The following COL19A1 variants were observed in gnomAD, a reference collection of about 807,000 sequenced individuals.
The protein encoded by COL19A1 is collagen type XIX alpha 1 chain, also known as collagen alpha-1(XIX) chain.
In COL19A1, 159 loss-of-function variants were observed where a neutral mutation model predicts 190.2. The observed-to-expected ratio is 0.84, with a 90% CI of 0.73 to 0.95. The LOEUF (loss-of-function observed/expected upper bound fraction) is 0.95. Among genes scored for constraint, COL19A1 ranks in the 40% least tolerant of loss-of-function variants. The pLI is 0.00. For synonymous variants in COL19A1, 509 were observed against 458.9 expected, an observed-to-expected ratio of 1.11 and a Z score of -1.39; for missense variants, 1,418 against 1,431.9, an observed-to-expected ratio of 0.99 and a Z score of 0.16.
intron 11 of COL19A1, among the ~76,000 whole-genome samples, chr6:69,970,935 T>C (rs117656393): frequency 0.017 from 2,550 of 152,280 alleles, 42 homozygotes; most frequent in Non-Finnish European, 0.025. Context: ...CTTTCAATTA[T>C]CCATGGTAGC....
At chr6:69,966,196 G>A (rs1401655834) in intron 11 of COL19A1, among the ~76,000 whole-genome samples, 2 of 151,928 alleles carry the variant, frequency 1.3e-5, no homozygotes, top group African/African-American at 2.4e-5. Flanking sequence ...GGGAGGTGGG[G>A]GGCACCTCTG....
At chr6:69,967,195 T>G (rs543156738) in intron 11 of COL19A1, among the ~76,000 whole-genome samples, 4 of 152,286 alleles carry the variant, frequency 2.6e-5, no homozygotes, top group African/African-American at 9.6e-5. Flanking sequence ...GTAGTCGACT[T>G]GGTTCACTGA....
At chr6:70,169,064 T>A (rs1335776863) in intron 40 of COL19A1, among the ~76,000 whole-genome samples, 1 of 79,446 alleles carries the variant, frequency 1.3e-5, no homozygotes, top group African/African-American at 7.6e-5. Flanking sequence ...ATATCTGCCA[T>A]CTCCCCAACA....
At chr6:69,950,130 TG>T (rs1025276531) in intron 9 of COL19A1, among the ~76,000 whole-genome samples, 1 of 151,888 alleles carries the variant, frequency 6.6e-6, no homozygotes, top group Non-Finnish European at 1.5e-5. Context: ...ACCTACACTT[TG>T]AAATTTAGCT....
intron 15 of COL19A1, among the ~76,000 whole-genome samples, chr6:70,071,744 T>C (rs954821939): frequency 1.3e-4 from 19 of 151,828 alleles, no homozygotes; most frequent in African/African-American, 3.9e-4. Flanking sequence ...CAGAATGGCA[T>C]TGGGGGTTGG....
rs1385678662 is a variant in COL19A1 at position 70,103,700 on chromosome 6, T to C, written c.1278+1478T>C. ...TGACTCAGCTCAAACATTTCTCCTA[T>C]AGAAGCTTTGCCAGTGCTCTCAGCA... On this transcript the variant is annotated intron_variant, in intron 16 of 50. Coordinates refer to ENST00000620364, the MANE Select transcript of COL19A1 (RefSeq NM_001858.6). Among the ~76,000 whole-genome samples, 3 of 152,174 alleles carry C rather than the reference T, an allele frequency of 2.0e-5. No homozygotes were observed. In the East Asian group the frequency reaches 5.8e-4, roughly 29 times the overall value.
intron 16 of COL19A1, among the ~76,000 whole-genome samples, chr6:70,111,900 T>C (rs1245182922): frequency 6.6e-6 from 1 of 152,182 alleles, no homozygotes; most frequent in African/African-American, 2.4e-5. Context: ...CTATTCAAAT[T>C]GTGCACATGC....
chr6:69,965,769 T>C (rs560390629), intron 11 of COL19A1, among the ~76,000 whole-genome samples: 66 of 152,286 alleles, frequency 4.3e-4, no homozygotes, highest in African/African-American at 1.5e-3. Flanking sequence ...CATGTAGACC[T>C]ATAGGAATGA....
Position 69,947,978 on chromosome 6 carries a change from C to T in COL19A1, c.936+9878C>T, listed in dbSNP as rs139374656. On this transcript the variant is annotated intron_variant, in intron 9 of 50. Transcript: ENST00000620364. ...TTACTGATGACATTAATTGACGATT[C>T]TTCATCATAAATAAAAGCTTCTTTA... 2.0e-4 allele frequency among the ~76,000 whole-genome samples: 31 copies of T among 151,908 alleles called. No individual in the cohort carries two copies. In the East Asian group the frequency reaches 2.1e-3, roughly 10 times the overall value.
intron 17 of COL19A1, among the ~76,000 whole-genome samples, chr6:70,128,249 G>T (rs116127855): frequency 1.0e-3 from 158 of 152,250 alleles, no homozygotes; most frequent in African/African-American, 3.8e-3. Context: ...TTAGATATAT[G>T]GGTCTAAAAC....
chr6:70,116,997 C>T (rs1344930224), intron 16 of COL19A1, among the ~76,000 whole-genome samples: 1 of 152,052 alleles, frequency 6.6e-6, no homozygotes, highest in Non-Finnish European at 1.5e-5. Flanking sequence ...CTGGATGGCT[C>T]AAGGAGACTC....
intron 16 of COL19A1, 65 bp downstream of exon 16, chr6:70,102,287 A>G (rs1353357240): frequency 2.0e-5 from 24 of 1,224,272 alleles, no homozygotes; most frequent in Admixed American, 1.7e-4. Context: ...TGTTTACCTA[A>G]GGATTATTTT....
At chr6:69,898,408 G>A (rs527287929) in intron 2 of COL19A1, among the ~76,000 whole-genome samples, 2 of 152,256 alleles carry the variant, frequency 1.3e-5, no homozygotes, top group South Asian at 4.1e-4. Flanking sequence ...ACTAAGTGCT[G>A]TAGCACATAA....
Position 70,180,465 on chromosome 6 carries a change from A to AGAGAG in COL19A1, c.2720_2724dup (p.Pro909GlufsTer7), listed in dbSNP as rs1482877346. ...TGTCTGTGGATGTGTTTATAGGGTG[A>AGAGAG]GAGAGGACCTGTTGGAGATATAGGT... is the stretch of plus-strand genomic sequence containing the variant. On this transcript the variant is annotated frameshift_variant, in exon 44 of 51. Coordinates refer to ENST00000620364, the MANE Select transcript of COL19A1 (RefSeq NM_001858.6). LOFTEE classifies it high-confidence loss of function. The AGAGAG allele has an allele frequency of 2.5e-6, 4 of 1,614,150 alleles. No homozygotes were observed.
chr6:70,123,972 T>TA (rs200471705), intron 17 of COL19A1, among the ~76,000 whole-genome samples: 2,474 of 143,832 alleles, frequency 0.017, 99 homozygotes, highest in East Asian at 0.16. Context: ...ATAATAAATT[T>TA]AAAAAAAAAA....
At chr6:69,905,042 G>T (rs917644740) in intron 4 of COL19A1, among the ~76,000 whole-genome samples, 1 of 151,972 alleles carries the variant, frequency 6.6e-6, no homozygotes, top group Admixed American at 6.6e-5. Flanking sequence ...TTTCCATTGG[G>T]GCCCATCCAA....
At chr6:70,136,219 T>C (rs1785860207) in intron 18 of COL19A1, among the ~76,000 whole-genome samples, 1 of 152,206 alleles carries the variant, frequency 6.6e-6, no homozygotes, top group Admixed American at 6.5e-5. Context: ...AGGATATACA[T>C]ATAAAAATAA....
At chr6:70,024,174 A>T (rs77811482) in intron 12 of COL19A1, among the ~76,000 whole-genome samples, 15,115 of 152,148 alleles carry the variant, frequency 0.099, 809 homozygotes, top group East Asian at 0.21. Context: ...GTGATATCCT[A>T]GGACCCCAGT....
intron 9 of COL19A1, among the ~76,000 whole-genome samples, chr6:69,950,137 T>C (rs1774041542): frequency 6.6e-6 from 1 of 151,868 alleles, no homozygotes; most frequent in Admixed American, 6.6e-5. Flanking sequence ...CTTTGAAATT[T>C]AGCTAGGTAA....
Sources: gnomAD v4.1 joint callset for allele counts (sites outside exome capture counted in the v4.1 genomes callset) on GRCh38, gnomAD v4.1.1 for gene constraint, MANE v1.5 for transcripts, NCBI Gene and HGNC (gene_info 2026-07-23, HGNC 2026-07-21) for gene names.